The following G3BP1 variants were observed in gnomAD, a reference collection of about 807,000 sequenced individuals.
The protein encoded by G3BP1 is G3BP stress granule assembly factor 1.
A neutral mutation model predicts 58.6 loss-of-function variants in G3BP1; 35 were observed. The ratio of observed to expected loss-of-function variants is 0.60; its 90% confidence interval spans 0.46 to 0.79. The LOEUF (loss-of-function observed/expected upper bound fraction) is 0.79, where lower values mean the gene tolerates loss of function less well. Among genes scored for constraint, G3BP1 ranks in the 30% least tolerant of loss-of-function variants. The pLI is 0.00. For missense variants in G3BP1, 523 were observed against 580.8 expected (o/e 0.90, Z 1.02); for synonymous variants, 191 against 195.4 (o/e 0.98, Z 0.19).
chr5:151,791,114 C>G, intron 4 of G3BP1, 52 bp downstream of exon 4: 4 of 1,410,430 alleles, frequency 2.8e-6, no homozygotes, highest in Non-Finnish European at 4.0e-6. Flanking sequence ...AAAAAAGAAA[C>G]AATGAACTGT....
At chr5:151,781,108 G>C (rs920998839) in intron 1 of G3BP1, among the ~76,000 whole-genome samples, 2 of 151,856 alleles carry the variant, frequency 1.3e-5, no homozygotes, top group African/African-American at 4.8e-5. Context: ...TTAAGAAAAA[G>C]GTATTTCATG....
intron 1 of G3BP1, among the ~76,000 whole-genome samples, chr5:151,773,443 T>C (rs531759214): frequency 1.3e-5 from 2 of 152,282 alleles, no homozygotes; most frequent in African/African-American, 4.8e-5. Flanking sequence ...TTGTGTACAC[T>C]CCGTTTATTT....
chr5:151,776,561 T>C (rs1375412441), intron 1 of G3BP1, among the ~76,000 whole-genome samples: 2 of 152,224 alleles, frequency 1.3e-5, no homozygotes, highest in Non-Finnish European at 2.9e-5. Flanking sequence ...TTCGGGGTTC[T>C]AATGGTGATT....
chr5:151,803,168 A>G (rs769925752), intron 11 of G3BP1, among the ~76,000 whole-genome samples: 3 of 152,256 alleles, frequency 2.0e-5, no homozygotes, highest in Non-Finnish European at 4.4e-5. Flanking sequence ...TTTATGTCAA[A>G]TTAATGAAGT....
rs1444029903 is a variant in G3BP1, at chr5:151,811,199, T to G, written c.*7108T>G. The stretch of plus-strand genomic sequence containing the variant: ...CTCCAGCCTACTTTATACACAATGT[T>G]AGATTCATCTTACTGAAACATAGTT... On this transcript the variant is annotated 3_prime_UTR_variant, in exon 12 of 12. Coordinates refer to ENST00000356245, the MANE Select transcript of G3BP1 (RefSeq NM_005754.3). 4 of 152,236 alleles carry G rather than the reference T, an allele frequency of 2.6e-5. No homozygotes were observed. The highest frequency in any genetic ancestry group is 5.9e-5 in the Non-Finnish European group (4 of 68,042). The allele number at this position is 152,236 out of a possible 1,614,324, so 9.4% of individuals were successfully genotyped here. A position where few individuals can be genotyped will look rare whatever the true frequency, so the allele number is the denominator to read the frequency against.
At chr5:151,794,342 A>C in intron 5 of G3BP1, 93 bp downstream of exon 5, 1 of 714,598 alleles carries the variant, frequency 1.4e-6, no homozygotes, top group East Asian at 2.6e-5. Flanking sequence ...TACTGTTTTC[A>C]TTACACTCTG....
intron 2 of G3BP1, among the ~76,000 whole-genome samples, chr5:151,789,598 TGTTTA>T (rs1256731568): frequency 6.6e-6 from 1 of 152,204 alleles, no homozygotes; most frequent in Non-Finnish European, 1.5e-5. Context: ...ATGAACTAGG[TGTTTA>T]AGGGGAACCG....
rs1263365643 is a variant in G3BP1 at position 151,804,152 on chromosome 5, G to A, written c.*61G>A. The A allele has an allele frequency of 8.1e-6, 10 of 1,238,012 alleles. No homozygotes were observed. Among genetic ancestry groups the A allele is most frequent in the Admixed American group, 6.4e-5 (3 of 46,928 alleles). 76.7% of individuals were successfully genotyped at this position (1,238,012 alleles called of 1,614,324 possible). On this transcript the variant is annotated 3_prime_UTR_variant, in exon 12 of 12. Transcript: ENST00000356245. ...GGTTCCAACAGAATGGTGAATTTTC[G>A]ACAGCCTTTGGTATCTTGGAGTATG...
rs1762938614 is a variant in G3BP1, at chr5:151,806,351, G to A, written c.*2260G>A. 1 of 152,190 alleles carries A rather than the reference G, an allele frequency of 6.6e-6. No homozygotes were observed. Among genetic ancestry groups the A allele is most frequent in the Admixed American group, 6.5e-5 (1 of 15,276 alleles). 9.4% of individuals were successfully genotyped at this position (152,190 alleles called of 1,614,324 possible). A position where few individuals can be genotyped will look rare whatever the true frequency, so the allele number is the denominator to read the frequency against. On this transcript the variant is annotated 3_prime_UTR_variant, in exon 12 of 12. Coordinates refer to ENST00000356245, the MANE Select transcript of G3BP1 (RefSeq NM_005754.3). ...TTTGTACCAAATGTATGTGTGTGTT[G>A]TGTATGTTGGTGTAAATGTGGAGAG... is the stretch of plus-strand genomic sequence containing the variant.
intron 11 of G3BP1, among the ~76,000 whole-genome samples, chr5:151,801,824 T>A (rs150460214): frequency 0.022 from 3,370 of 152,130 alleles, 46 homozygotes; most frequent in Middle Eastern, 0.044. Flanking sequence ...TTTTTATTTT[T>A]TTTTTTTTGA....
intron 2 of G3BP1, chr5:151,787,039 A>C (rs1220430209): frequency 6.4e-6 from 1 of 156,784 alleles, no homozygotes; most frequent in African/African-American, 2.5e-5. Context: ...TTTTTTTTTA[A>C]GTAGAGACGG....
chr5:151,793,801 C>T (rs530174223), intron 4 of G3BP1, among the ~76,000 whole-genome samples: 29 of 139,004 alleles, frequency 2.1e-4, no homozygotes, highest in East Asian at 2.1e-4. Flanking sequence ...AAGACCAATC[C>T]GGGCAATATA....
Position 151,800,468 on chromosome 5 carries a change from A to C in G3BP1, c.1084+122A>C, listed in dbSNP as rs115448423. ...TCTAGTAGTCATGGTTAAAAAAAAAAAGGTAAAAAGAAACTGGATAATTTT... is the reference window on the plus strand; with the variant it reads ...TCTAGTAGTCATGGTTAAAAAAAAACAGGTAAAAAGAAACTGGATAATTTT... On this transcript the variant is annotated intron_variant, in intron 10 of 11. Transcript: ENST00000356245. The C allele has an allele frequency of 1.6e-3, 1,047 of 663,270 alleles. 12 individuals are homozygous for C. The African/African-American group carries it at 0.017, about 11-fold the overall frequency. 41.1% of individuals were successfully genotyped at this position (663,270 alleles called of 1,614,324 possible). A position where few individuals can be genotyped will look rare whatever the true frequency, so the allele number is the denominator to read the frequency against.
intron 11 of G3BP1, among the ~76,000 whole-genome samples, chr5:151,803,150 A>C (rs1012097762): frequency 6.6e-6 from 1 of 152,222 alleles, no homozygotes; most frequent in African/African-American, 2.4e-5. Context: ...TTAAAGAGCA[A>C]ATTAAAGTTT....
Position 151,800,219 on chromosome 5 carries a change from C to A in G3BP1, c.957C>A (p.Ile319=). ...NIPPQRGPRP[I]REAGEQGDIE... The stretch of plus-strand genomic sequence containing the variant: ...TTGATGTTTTTGTCTCCTTTTAAGT[C>A]CGTGAGGCTGGTGAGCAAGGTGACA... The change falls in exon 10 of 12, where the codon ATC becomes ATA. Residue 319 remains isoleucine (I), a splice_region_variant and synonymous_variant. Transcript: ENST00000356245. The A allele has an allele frequency of 6.2e-7, 1 of 1,612,102 alleles. No individual in the cohort carries two copies. Among genetic ancestry groups the A allele is most frequent in the South Asian group, 1.1e-5 (1 of 90,924 alleles).
At chr5:151,803,704 C>T (rs1762895261) in intron 11 of G3BP1, among the ~76,000 whole-genome samples, 181 bp from the exon 12 acceptor site, 1 of 152,058 alleles carries the variant, frequency 6.6e-6, no homozygotes, top group Non-Finnish European at 1.5e-5. Flanking sequence ...CCATGTTGGT[C>T]AGGCTGGTCT....
intron 11 of G3BP1, 49 bp downstream of exon 11, chr5:151,800,918 T>G: frequency 1.1e-6 from 1 of 912,468 alleles, no homozygotes; most frequent in Non-Finnish European, 1.8e-6. Flanking sequence ...TAAAAAGGGT[T>G]TTGGTTCTTT....
rs966591210 is a variant in G3BP1, at chr5:151,808,411, C to A, written c.*4320C>A. 1 of 152,214 alleles carries A rather than the reference C, an allele frequency of 6.6e-6. No individual in the cohort carries two copies. Among genetic ancestry groups the A allele is most frequent in the Admixed American group, 6.5e-5 (1 of 15,290 alleles). 9.4% of individuals were successfully genotyped at this position (152,214 alleles called of 1,614,324 possible). A position where few individuals can be genotyped will look rare whatever the true frequency, so the allele number is the denominator to read the frequency against. ...AGATGATTACAGATTACCTAAAACC[C>A]TTAACCAGTTTTGGTTTTTGATTAT... On this transcript the variant is annotated 3_prime_UTR_variant, in exon 12 of 12. Coordinates refer to ENST00000356245, the MANE Select transcript of G3BP1 (RefSeq NM_005754.3).
intron 1 of G3BP1, among the ~76,000 whole-genome samples, chr5:151,782,753 A>G (rs1045056550): frequency 1.3e-5 from 2 of 152,140 alleles, no homozygotes; most frequent in African/African-American, 4.8e-5. Flanking sequence ...ATTTTTTAAA[A>G]AAATTATTCC....
Sources: allele counts gnomAD v4.1 joint callset (sites outside exome capture counted in the v4.1 genomes callset), GRCh38; gene constraint gnomAD v4.1.1; transcripts MANE v1.5; gene names NCBI Gene and HGNC (gene_info 2026-07-23, HGNC 2026-07-21).